The following FARS2 variants were observed in gnomAD, a reference collection of about 807,000 sequenced individuals.
FARS2 encodes the protein phenylalanyl-tRNA synthetase 2, mitochondrial, also known as phenylalanine--tRNA ligase, mitochondrial.
A neutral mutation model predicts 46.4 loss-of-function variants in FARS2; 40 were observed. That is an observed-to-expected ratio of 0.86 (90% CI 0.67 to 1.12). FARS2 has a LOEUF of 1.12. FARS2 is among the 50% of genes most tolerant of loss of function. The pLI is 0.00. For synonymous variants in FARS2, 234 were observed against 214.9 expected (o/e 1.09, Z -0.78); for missense variants, 513 against 567.9 (o/e 0.90, Z 0.98).
chr6:5,280,676 G>A (rs1321414440), intron 1 of FARS2, among the ~76,000 whole-genome samples: 2 of 151,200 alleles, frequency 1.3e-5, no homozygotes, highest in African/African-American at 2.4e-5. Context: ...CCTCAGATAG[G>A]CCTTCCCCAG....
intron 6 of FARS2, among the ~76,000 whole-genome samples, chr6:5,695,759 G>T (rs577945420): frequency 1.3e-5 from 2 of 152,314 alleles, no homozygotes; most frequent in African/African-American, 4.8e-5. Context: ...TAAAGGAAAA[G>T]AGTGATTAAT....
At chr6:5,544,719 T>G (rs1770854240) in intron 4 of FARS2, among the ~76,000 whole-genome samples, 1 of 152,194 alleles carries the variant, frequency 6.6e-6, no homozygotes, top group Non-Finnish European at 1.5e-5. Context: ...CGTATGTACT[T>G]TCTTCATGTA....
At chr6:5,272,074 G>A (rs1391327626) in intron 1 of FARS2, among the ~76,000 whole-genome samples, 1 of 152,126 alleles carries the variant, frequency 6.6e-6, no homozygotes, top group Non-Finnish European at 1.5e-5. Context: ...TGAGTTTTGT[G>A]TTGAAACCTG....
chr6:5,444,676 A>G (rs1764074504), intron 4 of FARS2, among the ~76,000 whole-genome samples: 1 of 152,276 alleles, frequency 6.6e-6, no homozygotes, highest in East Asian at 1.9e-4. Flanking sequence ...AAGACACTCA[A>G]TATCCATATA....
At chr6:5,567,252 C>T (rs572151592) in intron 5 of FARS2, among the ~76,000 whole-genome samples, 1 of 152,212 alleles carries the variant, frequency 6.6e-6, no homozygotes, top group Non-Finnish European at 1.5e-5. Flanking sequence ...TTGCATTTCT[C>T]TAATGACTAG....
intron 5 of FARS2, among the ~76,000 whole-genome samples, chr6:5,582,327 G>A (rs917091202): frequency 2.6e-5 from 4 of 152,004 alleles, no homozygotes; most frequent in African/African-American, 9.7e-5. Context: ...ACATACTTCC[G>A]GTTTAGCAAC....
intron 6 of FARS2, among the ~76,000 whole-genome samples, chr6:5,741,019 A>G (rs1035241901): frequency 6.6e-6 from 1 of 152,158 alleles, no homozygotes; most frequent in Admixed American, 6.5e-5. Flanking sequence ...AGTCAGTGCT[A>G]ACACAGACTG....
At chr6:5,681,485 A>G (rs772132150) in intron 6 of FARS2, among the ~76,000 whole-genome samples, 2 of 152,214 alleles carry the variant, frequency 1.3e-5, no homozygotes, top group Non-Finnish European at 1.5e-5. Context: ...TACTTTCTTT[A>G]TGCCTTCCCG....
intron 6 of FARS2, among the ~76,000 whole-genome samples, chr6:5,768,998 A>AT (rs928329425): frequency 1.4e-4 from 21 of 151,872 alleles, no homozygotes; most frequent in Non-Finnish European, 2.8e-4. Context: ...CAAGTTTATC[A>AT]TTTTTTTTAA....
chr6:5,476,608 A>G (rs886304869), intron 4 of FARS2, among the ~76,000 whole-genome samples: 1 of 152,182 alleles, frequency 6.6e-6, no homozygotes, highest in Non-Finnish European at 1.5e-5. Flanking sequence ...AGGGAGATTA[A>G]TGTTGCCCTT....
intron 3 of FARS2, among the ~76,000 whole-genome samples, chr6:5,411,755 A>G (rs1414337846): frequency 2.0e-5 from 3 of 152,346 alleles, no homozygotes; most frequent in East Asian, 1.9e-4. Context: ...TCCTAAGGCT[A>G]TTATAAGAAA....
At chr6:5,386,529 A>G (rs1358711768) in intron 2 of FARS2, among the ~76,000 whole-genome samples, 1 of 152,164 alleles carries the variant, frequency 6.6e-6, no homozygotes, top group South Asian at 2.1e-4. Flanking sequence ...TGGTGATGGA[A>G]AGAGTTGTTA....
At chr6:5,555,555 T>C (rs982812085) in intron 5 of FARS2, among the ~76,000 whole-genome samples, 2 of 152,196 alleles carry the variant, frequency 1.3e-5, no homozygotes, top group African/African-American at 2.4e-5. Flanking sequence ...GGTTTTGCTG[T>C]CATTATCATA....
At chr6:5,383,714 A>G (rs547023511) in intron 2 of FARS2, among the ~76,000 whole-genome samples, 43 of 150,248 alleles carry the variant, frequency 2.9e-4, no homozygotes, top group African/African-American at 8.5e-4. Flanking sequence ...AGCATTGTCA[A>G]TGTCAATTAT....
At chr6:5,446,544 A>G (rs1011141987) in intron 4 of FARS2, among the ~76,000 whole-genome samples, 1 of 152,148 alleles carries the variant, frequency 6.6e-6, no homozygotes, top group Non-Finnish European at 1.5e-5. Context: ...CTTCCAGTCC[A>G]GTGGTAGAGG....
chr6:5,701,543 C>G (rs117254372), intron 6 of FARS2, among the ~76,000 whole-genome samples: 1 of 152,210 alleles, frequency 6.6e-6, no homozygotes, highest in Non-Finnish European at 1.5e-5. Flanking sequence ...ATAGATTGTA[C>G]TGAAACGTCA....
intron 1 of FARS2, among the ~76,000 whole-genome samples, chr6:5,287,508 C>T (rs963708420): frequency 1.3e-5 from 2 of 152,158 alleles, no homozygotes; most frequent in African/African-American, 4.8e-5. Context: ...CTTGCTCTCC[C>T]GTGTCCCTGA....
At chr6:5,728,008 A>C (rs1478303623) in intron 6 of FARS2, among the ~76,000 whole-genome samples, 1 of 152,226 alleles carries the variant, frequency 6.6e-6, no homozygotes, top group Non-Finnish European at 1.5e-5. Flanking sequence ...AATGGATGCT[A>C]AATAATTGAA....
At chr6:5,258,862 T>C (rs1253870439), upstream of FARS2, among the ~76,000 whole-genome samples, 1 of 152,238 alleles carries the variant, frequency 6.6e-6, no homozygotes, top group Non-Finnish European at 1.5e-5. Context: ...AGGTAGAGTC[T>C]TGAATGATTT....
Sources: allele counts gnomAD v4.1 joint callset (sites outside exome capture counted in the v4.1 genomes callset), GRCh38; gene constraint gnomAD v4.1.1; transcripts MANE v1.5; gene names NCBI Gene and HGNC (gene_info 2026-07-23, HGNC 2026-07-21).